RDH12: variants seen among roughly 807,000 people sequenced by gnomAD.
RDH12 encodes retinol dehydrogenase 12.
Under a neutral mutation model 34.0 loss-of-function variants are expected in RDH12, and 21 were observed. The observed-to-expected ratio is 0.62, with a 90% CI of 0.44 to 0.89. RDH12 has a LOEUF of 0.89. Among genes scored for constraint, RDH12 ranks in the 40% least tolerant of loss-of-function variants. RDH12 has a pLI of 0.00. For synonymous variants in RDH12, 198 were observed against 169.9 expected (o/e 1.17, Z -1.29); for missense variants, 394 against 398.6 (o/e 0.99, Z 0.10).
In RDH12 at chr14:67,729,229, G is replaced by C. The variant is rs140257538; in HGVS notation, c.697G>C (p.Val233Leu). 1.2e-5 allele frequency: 20 copies of C among 1,611,352 alleles called. No individual in the cohort carries two copies. Among genetic ancestry groups the C allele is most frequent in the African/African-American group, 4.0e-5 (3 of 74,904 alleles). Residue 233 changes from valine to leucine, a missense_variant, in exon 8 of 9, where the codon GTC becomes CTC. Val to Leu is a conservative substitution (Grantham distance 32). Coordinates refer to ENST00000551171, the MANE Select transcript of RDH12 (RefSeq NM_152443.3). The part of the protein sequence containing the change: ...VTTYAVHPGV[V>L]RSELVRHSSL... ...CACCTACGCAGTGCACCCAGGCGTCGTCCGCTCTGAGCTGGTCCGGCACTC... is the reference window on the plus strand; with the variant it reads ...CACCTACGCAGTGCACCCAGGCGTCCTCCGCTCTGAGCTGGTCCGGCACTC...
chr14:67,713,669 G>A (rs575216345), intron 1 of RDH12, among the ~76,000 whole-genome samples: 13 of 152,206 alleles, frequency 8.5e-5, no homozygotes, highest in Non-Finnish European at 1.8e-4. Context: ...CAGTTAATTT[G>A]TAAAGTTTAT....
At chr14:67,723,718 A>C (rs2038151670) in intron 3 of RDH12, among the ~76,000 whole-genome samples, 1 of 152,222 alleles carries the variant, frequency 6.6e-6, no homozygotes, top group Admixed American at 6.5e-5. Context: ...AGAGGATTAA[A>C]ATAAATTACA....
intron 1 of RDH12, among the ~76,000 whole-genome samples, chr14:67,708,803 T>C (rs898076327): frequency 2.0e-5 from 3 of 151,234 alleles, no homozygotes; most frequent in African/African-American, 7.3e-5. Context: ...CCTTTTTTTT[T>C]TTTTTTTTGA....
intron 3 of RDH12, among the ~76,000 whole-genome samples, 172 bp from the exon 4 acceptor site, chr14:67,724,301 T>C (rs1326233031): frequency 6.6e-6 from 1 of 152,158 alleles, no homozygotes; most frequent in African/African-American, 2.4e-5. Flanking sequence ...GCGACTACCT[T>C]GCCCCATGGA....
At chr14:67,726,468 G>T (rs1368821374) in intron 6 of RDH12, among the ~76,000 whole-genome samples, 1 of 152,216 alleles carries the variant, frequency 6.6e-6, no homozygotes, top group Non-Finnish European at 1.5e-5. Context: ...AGGCATCTGG[G>T]CTTGGCTGGA....
Position 67,724,619 on chromosome 14 carries a change from G to C in RDH12, c.187+28G>C, listed in dbSNP as rs762200013. On this transcript the variant is annotated intron_variant, in intron 4 of 8. Transcript: ENST00000551171. ...AAGTGTTTCCCCTTTAGTCTCCAAA[G>C]GGCCATGCCTCCCACCCTTCTTCCC... 12 of 1,509,770 alleles carry C rather than the reference G, an allele frequency of 7.9e-6. No homozygotes were observed. In the Admixed American group the frequency reaches 2.0e-4, roughly 25 times the overall value. The allele number at this position is 1,509,770 out of a possible 1,614,324, so 93.5% of individuals were successfully genotyped here.
chr14:67,725,139 G>C lies in RDH12; in HGVS notation c.228G>C (p.Gly76=). The C allele has an allele frequency of 1.2e-6, 2 of 1,614,178 alleles. 1 individual carries two copies. Among genetic ancestry groups the C allele is most frequent in the South Asian group, 2.2e-5 (2 of 91,078 alleles). ...VYIACRDVLK[G]ESAASEIRVD... ...TTGCCTGCAGAGATGTACTGAAGGG[G>C]GAGTCTGCTGCCAGTGAAATCCGAG... is the stretch of plus-strand genomic sequence containing the variant. The change falls in exon 5 of 9, where the codon GGG becomes GGC. Residue 76 remains glycine (G), a synonymous_variant. Coordinates refer to ENST00000551171, the MANE Select transcript of RDH12 (RefSeq NM_152443.3).
At chr14:67,728,778 G>T (rs1023625963) in intron 7 of RDH12, among the ~76,000 whole-genome samples, 1 of 151,286 alleles carries the variant, frequency 6.6e-6, no homozygotes, top group African/African-American at 2.4e-5. Context: ...TGCTTGCCAG[G>T]CAAATGCAGC....
chr14:67,709,614 T>C (rs1229867087), intron 1 of RDH12, among the ~76,000 whole-genome samples: 1 of 152,216 alleles, frequency 6.6e-6, no homozygotes, highest in Non-Finnish European at 1.5e-5. Context: ...ATCTCTTCTG[T>C]GATAGTCCCT....
intron 1 of RDH12, among the ~76,000 whole-genome samples, chr14:67,710,010 G>GT (rs1482836761): frequency 6.6e-6 from 1 of 152,144 alleles, no homozygotes; most frequent in Non-Finnish European, 1.5e-5. Context: ...GAATGTAACC[G>GT]TTTGTTTACT....
chr14:67,725,366 A>G (rs2038173299), intron 5 of RDH12, 112 bp downstream of exon 5: 7 of 1,112,260 alleles, frequency 6.3e-6, no homozygotes, highest in South Asian at 3.9e-5. Context: ...CCCACTAGAC[A>G]GGTTCTGCCA....
chr14:67,727,204 A>G lies in RDH12; in HGVS notation c.658+14A>G, dbSNP rs368971478. 13 of 1,603,394 alleles carry G rather than the reference A, an allele frequency of 8.1e-6. No homozygotes were observed. In the African/African-American group the frequency reaches 1.7e-4, roughly 21 times the overall value. ...AGAGGCTCCAAGGTAAGTCTGGAGA[A>G]AGAGGAATAGCAAAAATGGTCCTCA... On this transcript the variant is annotated intron_variant, in intron 7 of 8. Coordinates refer to ENST00000551171, the MANE Select transcript of RDH12 (RefSeq NM_152443.3).
chr14:67,724,959 G>C (rs367890203), intron 4 of RDH12, 140 bp from the exon 5 acceptor site: 1 of 1,019,360 alleles, frequency 9.8e-7, no homozygotes, highest in Non-Finnish European at 1.5e-6. Context: ...TGAAAAGCCC[G>C]AAGTGGCAAT....
chr14:67,713,458 T>C (rs1329981278), intron 1 of RDH12, among the ~76,000 whole-genome samples: 1 of 149,900 alleles, frequency 6.7e-6, no homozygotes, highest in African/African-American at 2.5e-5. Context: ...CTTTAGATCT[T>C]GACCAAATTT....
Position 67,716,441 on chromosome 14 carries a change from C to T in RDH12, c.-274-4407C>T, listed in dbSNP as rs185526089. ...AAAGTTTTTAAAAAAGTGAATATGG[C>T]AATTTATAAAAAATTTTCATTTTGA... On this transcript the variant is annotated intron_variant, in intron 1 of 8. Transcript: ENST00000551171. Among the ~76,000 whole-genome samples, 277 of 152,272 alleles carry T rather than the reference C, an allele frequency of 1.8e-3. 2 individuals carry two copies. The highest frequency in any genetic ancestry group is 4.5e-3 in the Admixed American group (69 of 15,296).
Position 67,729,248 on chromosome 14 carries a change from G to A in RDH12, c.716G>A (p.Arg239Gln), listed in dbSNP as rs1239043055. 1.2e-5 allele frequency: 19 copies of A among 1,609,880 alleles called. No homozygotes were observed. The highest frequency in any genetic ancestry group is 1.5e-5 in the Non-Finnish European group (18 of 1,180,000). The change falls in exon 8 of 9, where the codon CGG (arginine) becomes CAG (glutamine). Residue 239 changes from arginine to glutamine, a missense_variant. By Grantham distance (43) the Arg-to-Gln change is conservative. Coordinates refer to ENST00000551171, the MANE Select transcript of RDH12 (RefSeq NM_152443.3). ...GGCGTCGTCCGCTCTGAGCTGGTCC[G>A]GCACTCCTCCCTGCTCTGCCTGCTC... ...HPGVVRSELV[R>Q]HSSLLCLLWR... is the part of the protein sequence containing the mutation.
At chr14:67,714,716 T>C (rs7144076) in intron 1 of RDH12, 20,485 of 152,468 alleles carry the variant, frequency 0.13, 1,416 homozygotes, top group East Asian at 0.21. Flanking sequence ...GTTATCATGG[T>C]ATTAGGGACT....
At chr14:67,719,636 G>T (rs556082552) in intron 1 of RDH12, among the ~76,000 whole-genome samples, 2 of 151,836 alleles carry the variant, frequency 1.3e-5, no homozygotes, top group Admixed American at 6.6e-5. Flanking sequence ...CACCAGGCCA[G>T]CTAATTTTTA....
chr14:67,710,341 C>CT (rs1388472893), intron 1 of RDH12, among the ~76,000 whole-genome samples: 1 of 152,080 alleles, frequency 6.6e-6, no homozygotes, highest in Non-Finnish European at 1.5e-5. Flanking sequence ...AAGTTTTAAT[C>CT]TTTTTTTCCT....
Sources: allele counts gnomAD v4.1 joint callset (sites outside exome capture counted in the v4.1 genomes callset), GRCh38; gene constraint gnomAD v4.1.1; transcripts MANE v1.5; gene names NCBI Gene and HGNC (gene_info 2026-07-23, HGNC 2026-07-21).